Variants in DYNC1LI1 observed in about 807,000 individuals in gnomAD.
The protein encoded by DYNC1LI1 is cytoplasmic dynein 1 light intermediate chain 1.
Under a neutral mutation model 63.8 loss-of-function variants are expected in DYNC1LI1, and 19 were observed. The observed-to-expected ratio is 0.30, with a 90% CI of 0.21 to 0.44. The LOEUF (loss-of-function observed/expected upper bound fraction) is 0.44. Ranked by LOEUF, DYNC1LI1 falls within the 20% of genes least tolerant of loss-of-function variation. DYNC1LI1 has a pLI of 1.00. For synonymous variants in DYNC1LI1, 225 were observed against 232.3 expected (o/e 0.97, Z 0.28); for missense variants, 565 against 630.2 (o/e 0.90, Z 1.11).
intron 8 of DYNC1LI1, 93 bp downstream of exon 8, chr3:32,532,893 A>G: frequency 7.1e-7 from 1 of 1,408,586 alleles, no homozygotes; most frequent in Non-Finnish European, 9.2e-7. Flanking sequence ...GGAAAAGGAC[A>G]TTTTTGCCTT....
chr3:32,547,075 C>T (rs1196816303), intron 2 of DYNC1LI1, among the ~76,000 whole-genome samples: 1 of 152,116 alleles, frequency 6.6e-6, no homozygotes, highest in Non-Finnish European at 1.5e-5. Context: ...AACCCCATCT[C>T]TACTAAAAAT....
chr3:32,526,722 T>C lies in DYNC1LI1; in HGVS notation c.*77A>G. The C allele has an allele frequency of 9.0e-7, 1 of 1,115,406 alleles. No homozygotes were observed. The allele number at this position is 1,115,406 out of a possible 1,614,324, so 69.1% of individuals were successfully genotyped here. A position where few individuals can be genotyped will look rare whatever the true frequency, so the allele number is the denominator to read the frequency against. ...CTGAAGAAGCACTCCAGCTTTCTAATTCCACTTTTGAAGGAAAAGGCAGAG... is the reference window on the plus strand; with the variant it reads ...CTGAAGAAGCACTCCAGCTTTCTAACTCCACTTTTGAAGGAAAAGGCAGAG... On this transcript the variant is annotated 3_prime_UTR_variant, in exon 13 of 13. Transcript: ENST00000273130.
intron 2 of DYNC1LI1, among the ~76,000 whole-genome samples, chr3:32,552,855 G>A (rs894806133): frequency 2.6e-5 from 4 of 152,094 alleles, no homozygotes; most frequent in Non-Finnish European, 4.4e-5. Flanking sequence ...ACAGGCACAC[G>A]CCACCACGCC....
In DYNC1LI1 at chr3:32,526,750, A is replaced by C; in HGVS notation, c.*49T>G. The C allele has an allele frequency of 7.3e-7, 1 of 1,370,938 alleles. No individual in the cohort carries two copies. The highest frequency in any genetic ancestry group is 1.0e-6 in the Non-Finnish European group (1 of 964,658). 84.9% of individuals were successfully genotyped at this position (1,370,938 alleles called of 1,614,324 possible). ...CACTTTTGAAGGAAAAGGCAGAGGC[A>C]TGTTTACATTATCCCAGAAAACAGA... On this transcript the variant is annotated 3_prime_UTR_variant, in exon 13 of 13. Coordinates refer to ENST00000273130, the MANE Select transcript of DYNC1LI1 (RefSeq NM_016141.4).
In DYNC1LI1 at chr3:32,565,712, C is replaced by T. The variant is rs369321966; in HGVS notation, c.220+4634G>A. Among the ~76,000 whole-genome samples, 38 of 152,218 alleles carry T rather than the reference C, an allele frequency of 2.5e-4. 1 individual carries two copies. In the East Asian group the frequency reaches 5.8e-3, roughly 23 times the overall value. The stretch of plus-strand genomic sequence containing the variant: ...GCAACCTCTGCCTCCCTGGTTCAAG[C>T]GAGTCTCCTGCCTCAGCCTCCTGAG... On this transcript the variant is annotated intron_variant, in intron 2 of 12. Coordinates refer to ENST00000273130, the MANE Select transcript of DYNC1LI1 (RefSeq NM_016141.4).
rs139601257 is a variant in DYNC1LI1 at position 32,528,405 on chromosome 3, G to C, written c.1462+41C>G. On this transcript the variant is annotated intron_variant, in intron 12 of 12. Transcript: ENST00000273130. ...GTGAACTTCATTATATCTCAAAAAA[G>C]CTGTTATTTTAAACAAGTGACTTGC... 3.2e-4 allele frequency: 522 copies of C among 1,610,152 alleles called. 2 individuals are homozygous for C. The African/African-American group carries it at 6.2e-3, about 19-fold the overall frequency.
rs779650860 is a variant in DYNC1LI1, at chr3:32,545,978, A to G, written c.221-13T>C. ...GCTCCATCTTCACCTAGATATGTAA[A>G]AAAAGGATAAATCTTATAAATTATA... On this transcript the variant is annotated splice_polypyrimidine_tract_variant and intron_variant, in intron 2 of 12. Coordinates refer to ENST00000273130, the MANE Select transcript of DYNC1LI1 (RefSeq NM_016141.4). The G allele has an allele frequency of 1.3e-5, 20 of 1,499,248 alleles. No homozygotes were observed. In the South Asian group the frequency reaches 1.9e-4, roughly 15 times the overall value. The allele number at this position is 1,499,248 out of a possible 1,614,324, so 92.9% of individuals were successfully genotyped here. A position where few individuals can be genotyped will look rare whatever the true frequency, so the allele number is the denominator to read the frequency against.
At chr3:32,561,839 G>A (rs1698199130) in intron 2 of DYNC1LI1, among the ~76,000 whole-genome samples, 1 of 149,892 alleles carries the variant, frequency 6.7e-6, no homozygotes, top group South Asian at 2.1e-4. Context: ...AATAAACAAA[G>A]CCGTATCTAT....
intron 8 of DYNC1LI1, chr3:32,531,694 A>G (rs976009470): frequency 4.6e-5 from 7 of 152,172 alleles, no homozygotes; most frequent in Non-Finnish European, 8.8e-5. Flanking sequence ...ACTAATAATA[A>G]CCCACAAACA....
intron 2 of DYNC1LI1, among the ~76,000 whole-genome samples, chr3:32,558,572 G>A (rs990730792): frequency 6.6e-6 from 1 of 152,076 alleles, no homozygotes; most frequent in Non-Finnish European, 1.5e-5. Flanking sequence ...GGGGCCGGGA[G>A]CGGTGGCTCA....
chr3:32,555,810 T>A (rs948168110), intron 2 of DYNC1LI1, among the ~76,000 whole-genome samples: 3 of 152,182 alleles, frequency 2.0e-5, no homozygotes, highest in African/African-American at 7.2e-5. Context: ...AATGCATTTT[T>A]AAAAAATGGG....
chr3:32,547,816 C>T (rs932470352), intron 2 of DYNC1LI1, among the ~76,000 whole-genome samples: 1 of 152,128 alleles, frequency 6.6e-6, no homozygotes, highest in East Asian at 1.9e-4. Flanking sequence ...ATGTTCATTG[C>T]GGCATTATTC....
At chr3:32,530,797 G>T in intron 8 of DYNC1LI1, 1 of 347,908 alleles carries the variant, frequency 2.9e-6, no homozygotes, top group African/African-American at 2.1e-5. Context: ...TGGCTAGTGT[G>T]ACTAAGGAAA....
chr3:32,546,929 TA>T (rs1559439643), intron 2 of DYNC1LI1, among the ~76,000 whole-genome samples: 1 of 152,090 alleles, frequency 6.6e-6, no homozygotes. Context: ...TTGACACAAG[TA>T]TTTTTTAAAA....
intron 2 of DYNC1LI1, among the ~76,000 whole-genome samples, chr3:32,548,679 T>A (rs1697990915): frequency 6.6e-6 from 1 of 152,188 alleles, no homozygotes; most frequent in Non-Finnish European, 1.5e-5. Flanking sequence ...AGACCTATTG[T>A]ACAACTTGGT....
chr3:32,565,903 G>A (rs991784937), intron 2 of DYNC1LI1, among the ~76,000 whole-genome samples: 6 of 152,144 alleles, frequency 3.9e-5, no homozygotes, highest in East Asian at 1.9e-4. Context: ...CCATGGGGCC[G>A]GCCTCAGGCT....
intron 5 of DYNC1LI1, among the ~76,000 whole-genome samples, chr3:32,539,531 T>TATC (rs1697848750): frequency 6.8e-6 from 1 of 147,986 alleles, no homozygotes; most frequent in Admixed American, 6.7e-5. Flanking sequence ...GAAATTGATC[T>TATC]ATTATTATTA....
intron 5 of DYNC1LI1, among the ~76,000 whole-genome samples, chr3:32,538,803 C>T (rs993608556): frequency 5.3e-5 from 8 of 151,962 alleles, no homozygotes; most frequent in Non-Finnish European, 1.0e-4. Flanking sequence ...TCTCCATTTC[C>T]GGAGTCTTTA....
At chr3:32,528,665 TTACAG>T in intron 11 of DYNC1LI1, 64 bp from the exon 12 acceptor site, 4 of 1,464,270 alleles carry the variant, frequency 2.7e-6, no homozygotes, top group Non-Finnish European at 3.7e-6. Context: ...TAAATTATTA[TTACAG>T]TAATCACACA....
Sources: allele counts gnomAD v4.1 joint callset (sites outside exome capture counted in the v4.1 genomes callset), GRCh38; gene constraint gnomAD v4.1.1; transcripts MANE v1.5; gene names NCBI Gene and HGNC (gene_info 2026-07-23, HGNC 2026-07-21).